Variants in HSD17B3 observed in about 807,000 individuals in gnomAD.
The protein encoded by HSD17B3 is hydroxysteroid 17-beta dehydrogenase 3.
In HSD17B3, 29 loss-of-function variants were observed where a neutral mutation model predicts 41.1. The observed-to-expected ratio is 0.71, with a 90% confidence interval of 0.53 to 0.96. The LOEUF (loss-of-function observed/expected upper bound fraction) is 0.96. Among genes scored for constraint, HSD17B3 ranks in the 40% least tolerant of loss-of-function variants. The probability of loss-of-function intolerance (pLI) is 0.00; values close to 1 mark genes in which losing one functional copy is unlikely to be tolerated. For synonymous variants in HSD17B3, 126 were observed against 145.6 expected (o/e 0.87, Z 0.97); for missense variants, 323 against 374.6 (o/e 0.86, Z 1.14).
chr9:96,240,083 G>A (rs1836375456), intron 10 of HSD17B3, among the ~76,000 whole-genome samples: 1 of 151,460 alleles, frequency 6.6e-6, no homozygotes, highest in African/African-American at 2.4e-5. Flanking sequence ...GGGGTGGGGG[G>A]CAAGGGGAGA....
intron 2 of HSD17B3, among the ~76,000 whole-genome samples, chr9:96,288,256 G>A (rs940494747): frequency 2.0e-5 from 3 of 152,186 alleles, no homozygotes; most frequent in African/African-American, 7.2e-5. Flanking sequence ...ACACTTGGGT[G>A]AATTTTATGG....
intron 2 of HSD17B3, among the ~76,000 whole-genome samples, chr9:96,293,661 ATG>A (rs113941501): frequency 0.054 from 7,884 of 146,022 alleles, 310 homozygotes; most frequent in African/African-American, 0.11. Context: ...CTGTGTGTGT[ATG>A]TGTGTGTGTG....
At chr9:96,292,720 A>T (rs996806404) in intron 2 of HSD17B3, among the ~76,000 whole-genome samples, 3 of 152,228 alleles carry the variant, frequency 2.0e-5, no homozygotes, top group Non-Finnish European at 4.4e-5. Flanking sequence ...AACCAAAGAA[A>T]TCCATGCCAA....
At chr9:96,298,347 G>A in intron 2 of HSD17B3, 69 bp downstream of exon 2, 1 of 1,181,140 alleles carries the variant, frequency 8.5e-7, no homozygotes, top group East Asian at 2.3e-5. Flanking sequence ...ATCTAGTGTT[G>A]GGGTGGATGT....
chr9:96,245,965 C>T (rs756391032), intron 7 of HSD17B3, among the ~76,000 whole-genome samples: 7 of 152,192 alleles, frequency 4.6e-5, no homozygotes, highest in Non-Finnish European at 7.3e-5. Context: ...CTTAATCCTT[C>T]CCAATTAGAC....
chr9:96,276,153 G>A (rs1382425469), intron 2 of HSD17B3, among the ~76,000 whole-genome samples: 4 of 132,104 alleles, frequency 3.0e-5, no homozygotes, highest in African/African-American at 5.6e-5. Flanking sequence ...AAGACAATTC[G>A]ATTCACAATA....
At chr9:96,295,285 G>A (rs537043081) in intron 2 of HSD17B3, among the ~76,000 whole-genome samples, 3 of 151,894 alleles carry the variant, frequency 2.0e-5, no homozygotes, top group Admixed American at 6.6e-5. Flanking sequence ...GATTACAGGC[G>A]TGAGCCACCA....
At chr9:96,264,179 T>C (rs1825962261) in intron 2 of HSD17B3, among the ~76,000 whole-genome samples, 1 of 152,118 alleles carries the variant, frequency 6.6e-6, no homozygotes, top group Non-Finnish European at 1.5e-5. Context: ...GCAAACTGCA[T>C]ATAAAAAGAC....
chr9:96,294,591 G>A (rs1281988092), intron 2 of HSD17B3, among the ~76,000 whole-genome samples: 1 of 152,252 alleles, frequency 6.6e-6, no homozygotes, highest in African/African-American at 2.4e-5. Flanking sequence ...AAAGATTCTG[G>A]AGAATCGTGA....
intron 9 of HSD17B3, 134 bp from the exon 10 acceptor site, chr9:96,241,041 G>A (rs1462734030): frequency 2.8e-6 from 3 of 1,061,084 alleles, no homozygotes; most frequent in Non-Finnish European, 4.2e-6. Context: ...GATCTTGAGT[G>A]GAAAAAGGCA....
At chr9:96,281,253 C>T (rs1826679907) in intron 2 of HSD17B3, among the ~76,000 whole-genome samples, 1 of 152,074 alleles carries the variant, frequency 6.6e-6, no homozygotes, top group Non-Finnish European at 1.5e-5. Context: ...ATCTTTCTCA[C>T]TAACCCTGAA....
chr9:96,261,395 C>T (rs1587741041), intron 2 of HSD17B3, among the ~76,000 whole-genome samples: 1 of 152,162 alleles, frequency 6.6e-6, no homozygotes, highest in Admixed American at 6.5e-5. Flanking sequence ...GGGGTTTCGC[C>T]GTGTTTCCAG....
chr9:96,298,852 C>G (rs1330874484), intron 1 of HSD17B3, among the ~76,000 whole-genome samples: 1 of 152,206 alleles, frequency 6.6e-6, no homozygotes, highest in East Asian at 1.9e-4. Context: ...CCCATTATCT[C>G]TCTGCCCAGG....
At chr9:96,300,138 C>A (rs1827521572) in intron 1 of HSD17B3, among the ~76,000 whole-genome samples, 1 of 148,878 alleles carries the variant, frequency 6.7e-6, no homozygotes, top group Admixed American at 6.8e-5. Context: ...GTATTTAAAT[C>A]CAGAACACTC....
rs747479797 is a variant in HSD17B3, at chr9:96,290,456, C to CCTTTTTTT, written c.201+7959_201+7960insAAAAAAAG. ...GAAGGGCACTGTGGTATTTCCTGGG[C>CCTTTTTTT]TTTTTTTTTTTTTTTTTTTTTTTCC... On this transcript the variant is annotated intron_variant, in intron 2 of 10. Coordinates refer to ENST00000375263, the MANE Select transcript of HSD17B3 (RefSeq NM_000197.2). Among the ~76,000 whole-genome samples, 2 of 78,416 alleles carry CCTTTTTTT rather than the reference C, an allele frequency of 2.6e-5. 1 individual carries two copies. The highest frequency in any genetic ancestry group is 4.3e-5 in the Non-Finnish European group (2 of 46,054). The allele number at this position is 78,416 out of a possible 152,430, so 51.4% of individuals were successfully genotyped here.
rs548853604 is a variant in HSD17B3 at position 96,237,430 on chromosome 9, G to A, written c.823-1860C>T. The stretch of plus-strand genomic sequence containing the variant: ...GCTTTGTTTTCCTCCATTGTAAAAG[G>A]GTGACTCTAAGTCCTATCTCACAAG... On this transcript the variant is annotated intron_variant, in intron 10 of 10. Coordinates refer to ENST00000375263, the MANE Select transcript of HSD17B3 (RefSeq NM_000197.2). 1.8e-4 allele frequency among the ~76,000 whole-genome samples: 28 copies of A among 152,244 alleles called. 1 individual carries two copies. Among genetic ancestry groups the A allele is most frequent in the African/African-American group, 6.5e-4 (27 of 41,546 alleles).
At chr9:96,252,555 A>G (rs1169859965) in intron 4 of HSD17B3, among the ~76,000 whole-genome samples, 2 of 151,862 alleles carry the variant, frequency 1.3e-5, no homozygotes, top group African/African-American at 4.8e-5. Context: ...AAAAAAAAAA[A>G]AAAGAAAAGA....
chr9:96,255,355 G>C (rs1825592487), intron 2 of HSD17B3, among the ~76,000 whole-genome samples: 1 of 96,654 alleles, frequency 1.0e-5, no homozygotes, highest in South Asian at 3.8e-4. Flanking sequence ...CAGTGTTTCT[G>C]CCCCAACATT....
chr9:96,243,083 GTCA>G (rs1316626155), intron 9 of HSD17B3, among the ~76,000 whole-genome samples: 1 of 152,224 alleles, frequency 6.6e-6, no homozygotes, highest in Admixed American at 6.5e-5. Context: ...GGGGCCCTGT[GTCA>G]GCACAGTGAG....
Sources: allele counts gnomAD v4.1 joint callset (sites outside exome capture counted in the v4.1 genomes callset), GRCh38; gene constraint gnomAD v4.1.1; transcripts MANE v1.5; gene names NCBI Gene and HGNC (gene_info 2026-07-23, HGNC 2026-07-21).